Variants in AGTPBP1 observed in about 807,000 individuals in gnomAD.
AGTPBP1 encodes the protein ATP/GTP binding carboxypeptidase 1.
A neutral mutation model predicts 143.9 loss-of-function variants in AGTPBP1; 70 were observed. The observed-to-expected ratio is 0.49, with a 90% CI of 0.40 to 0.59. The LOEUF (loss-of-function observed/expected upper bound fraction) is 0.59. AGTPBP1 is among the 20% of genes least tolerant of loss of function. The pLI, the probability that AGTPBP1 is intolerant of heterozygous loss-of-function variation, is 0.00. For missense variants in AGTPBP1, 1,229 were observed against 1,464.5 expected, an observed-to-expected ratio of 0.84 and a Z score of 2.62; for synonymous variants, 463 against 500.2, an observed-to-expected ratio of 0.93 and a Z score of 0.99.
At position 85,585,490 on chromosome 9, in the gene AGTPBP1, A is replaced by G; in HGVS notation, c.3138T>C (p.Cys1046=). ...TGTATCCCGTATCCTCCACAACATC[A>G]CATGAAGTTGCATTATCATTGGTAT... ...VWHTNDNATS[C]DVVEDTGYRT... Residue 1046 remains cysteine (C), a synonymous_variant, in exon 23 of 26, where the codon TGT becomes TGC. Transcript: ENST00000357081. 1 of 1,608,420 alleles carries G rather than the reference A, an allele frequency of 6.2e-7. No homozygotes were observed. The highest frequency in any genetic ancestry group is 8.5e-7 in the Non-Finnish European group (1 of 1,177,704).
chr9:85,635,085 C>T (rs964263879), intron 13 of AGTPBP1, among the ~76,000 whole-genome samples: 2 of 152,132 alleles, frequency 1.3e-5, no homozygotes, highest in African/African-American at 2.4e-5. Flanking sequence ...TCATAGGTAA[C>T]TTTTTTGTTC....
At chr9:85,676,034 A>AAAAACAT (rs1194352319) in intron 6 of AGTPBP1, among the ~76,000 whole-genome samples, 1 of 152,188 alleles carries the variant, frequency 6.6e-6, no homozygotes, top group Non-Finnish European at 1.5e-5. Context: ...AAAAATAAAA[A>AAAAACAT]AAAACATTTC....
rs1416943847 is a variant in AGTPBP1, at chr9:85,592,613, C to T, written c.2515G>A (p.Asp839Asn). The change falls in exon 19 of 26, where the codon GAT (aspartate) becomes AAT (asparagine). Residue 839 changes from aspartate (D) to asparagine (N), a missense_variant. Coordinates refer to ENST00000357081, the MANE Select transcript of AGTPBP1 (RefSeq NM_001330701.2). Reference protein sequence around the residue: ...ITFTVNFPHKDDVCYFAYHYP... With the variant: ...ITFTVNFPHKNDVCYFAYHYP... ...TGATAAGCAAAGTAGCAAACATCAT[C>T]TTTATGTGGAAAATTGACAGTAAAT... 7 of 1,612,170 alleles carry T rather than the reference C, an allele frequency of 4.3e-6. No individual in the cohort carries two copies. Among genetic ancestry groups the T allele is most frequent in the Admixed American group, 3.3e-5 (2 of 59,724 alleles).
intron 13 of AGTPBP1, among the ~76,000 whole-genome samples, chr9:85,639,116 T>C (rs1019367140): frequency 3.3e-5 from 5 of 152,162 alleles, no homozygotes; most frequent in Non-Finnish European, 5.9e-5. Context: ...TGTCTTCTTA[T>C]TCTACAACTA....
intron 14 of AGTPBP1, among the ~76,000 whole-genome samples, chr9:85,624,188 G>T (rs1831127133): frequency 6.6e-6 from 1 of 152,088 alleles, no homozygotes; most frequent in South Asian, 2.1e-4. Context: ...ATGCTCTGAG[G>T]TTCCATATTA....
the AGTPBP1 span, among the ~76,000 whole-genome samples, chr9:85,789,347 T>C: frequency 6.6e-6 from 1 of 152,218 alleles, no homozygotes; most frequent in Non-Finnish European, 1.5e-5. Flanking sequence ...ATATACTAAA[T>C]GATTTTACTT....
At chr9:85,744,703 TC>T (rs1257386252), upstream of AGTPBP1, among the ~76,000 whole-genome samples, 1 of 152,116 alleles carries the variant, frequency 6.6e-6, no homozygotes, top group Non-Finnish European at 1.5e-5. Context: ...TCCACCCCAT[TC>T]CCCCAGTGTG....
chr9:85,739,113 A>G (rs967669757), intron 1 of AGTPBP1, among the ~76,000 whole-genome samples: 1 of 152,346 alleles, frequency 6.6e-6, no homozygotes, highest in South Asian at 2.1e-4. Context: ...ACTTGCCTAA[A>G]GCAAAGCCAG....
At chr9:85,616,583 T>C (rs3908483) in intron 17 of AGTPBP1, among the ~76,000 whole-genome samples, 28,452 of 151,902 alleles carry the variant, frequency 0.19, 3,461 homozygotes, top group East Asian at 0.51. Context: ...ATATCAGGAA[T>C]AAATATGCCT....
In AGTPBP1 at chr9:85,646,336, T is replaced by A; in HGVS notation, c.1170A>T (p.Leu390=). 6.2e-7 allele frequency: 1 copy of A among 1,612,572 alleles called. No individual in the cohort carries two copies. Among genetic ancestry groups the A allele is most frequent in the Non-Finnish European group, 8.5e-7 (1 of 1,179,482 alleles). The part of the protein sequence containing the change: ...AENETENEDD[L]DQNFKNDDIE... The stretch of plus-strand genomic sequence containing the variant: ...TTATACTAACCTTAAAATTTTGATC[T>A]AGGTCATCTTCATTCTCAGTTTCGT... Residue 390 remains leucine, a synonymous_variant, in exon 12 of 26, where the codon CTA becomes CTT. Transcript: ENST00000357081.
intron 2 of AGTPBP1, among the ~76,000 whole-genome samples, chr9:85,703,497 A>G (rs1000597223): frequency 6.6e-6 from 1 of 152,268 alleles, no homozygotes; most frequent in Non-Finnish European, 1.5e-5. Flanking sequence ...TACAAAACAT[A>G]GTATTCACTG....
chr9:85,647,433 T>C (rs1399498696), intron 11 of AGTPBP1, among the ~76,000 whole-genome samples: 2 of 152,204 alleles, frequency 1.3e-5, no homozygotes, highest in Non-Finnish European at 2.9e-5. Flanking sequence ...GGAGTAAACA[T>C]GTAATTATAA....
chr9:85,707,052 C>T (rs973953652), intron 2 of AGTPBP1, among the ~76,000 whole-genome samples: 4 of 151,808 alleles, frequency 2.6e-5, no homozygotes, highest in Non-Finnish European at 5.9e-5. Flanking sequence ...CATGCTGATA[C>T]TAATCAAGTC....
chr9:85,698,325 T>C (rs958097733), intron 2 of AGTPBP1, among the ~76,000 whole-genome samples: 1 of 152,178 alleles, frequency 6.6e-6, no homozygotes, highest in African/African-American at 2.4e-5. Context: ...GCCAGATGGA[T>C]AGATGGGTAA....
chr9:85,747,519 C>G, the AGTPBP1 span, among the ~76,000 whole-genome samples: 4 of 152,154 alleles, frequency 2.6e-5, no homozygotes, highest in African/African-American at 9.7e-5. Context: ...GGAAGTCTTT[C>G]CATTTGTTTA....
chr9:85,576,555 T>C lies in AGTPBP1; in HGVS notation c.3343-1080A>G, dbSNP rs534930916. 9.7e-4 allele frequency among the ~76,000 whole-genome samples: 148 copies of C among 152,314 alleles called. 1 individual carries two copies. Among genetic ancestry groups the C allele is most frequent in the Admixed American group, 3.1e-3 (48 of 15,292 alleles). ...TTTTAATTTGTAAGTTTTAGAAAGGTTATACATGTTTCTGAATTAGTTCAT... is the reference window on the plus strand; with the variant it reads ...TTTTAATTTGTAAGTTTTAGAAAGGCTATACATGTTTCTGAATTAGTTCAT... On this transcript the variant is annotated intron_variant, in intron 24 of 25. Transcript: ENST00000357081.
In AGTPBP1 at chr9:85,588,473, G is replaced by A; in HGVS notation, c.2728C>T (p.Arg910Cys). 2 of 1,609,926 alleles carry A rather than the reference G, an allele frequency of 1.2e-6. No homozygotes were observed. Among genetic ancestry groups the A allele is most frequent in the Non-Finnish European group, 1.7e-6 (2 of 1,178,490 alleles). Residue 910 changes from arginine (R) to cysteine (C), a missense_variant, in exon 21 of 26, where the codon CGC becomes TGC. Transcript: ENST00000357081. ...YYEHICHFRN[R>C]PYVFLSARVH... The stretch of plus-strand genomic sequence containing the variant: ...CGAGCAGACAAGAAAACGTAAGGGC[G>A]ATTTCCTAAAGTACACATAAAATCT...
At chr9:85,800,748 G>A in the AGTPBP1 span, among the ~76,000 whole-genome samples, 2 of 151,780 alleles carry the variant, frequency 1.3e-5, no homozygotes, top group Non-Finnish European at 2.9e-5. Context: ...AAATAAGTAT[G>A]ATAATAGAAT....
chr9:85,650,042 CTTT>C (rs35903806), intron 11 of AGTPBP1, among the ~76,000 whole-genome samples: 6 of 109,236 alleles, frequency 5.5e-5, no homozygotes, highest in Admixed American at 2.0e-4. Context: ...CTAAACTTTC[CTTT>C]TTTTTTTTTT....
Sources: gnomAD v4.1 joint callset for allele counts (sites outside exome capture counted in the v4.1 genomes callset) on GRCh38, gnomAD v4.1.1 for gene constraint, MANE v1.5 for transcripts, NCBI Gene and HGNC (gene_info 2026-07-23, HGNC 2026-07-21) for gene names.